The following LRTM3 variants were observed in gnomAD, a reference collection of about 807,000 sequenced individuals.
LRTM3 encodes the protein leucine rich repeat transmembrane protein 3.
the LRTM3 span, chr13:102,730,060 C>A: frequency 2.1e-5 from 33 of 1,551,264 alleles, 1 homozygote; most frequent in Admixed American, 6.3e-4. Flanking sequence ...AACTATGACA[C>A]AACCAGTCAG....
chr13:102,743,341 A>C, the LRTM3 span: 1 of 1,550,540 alleles, frequency 6.4e-7, no homozygotes, highest in South Asian at 1.2e-5. Context: ...TTTTAATGTC[A>C]GAGGAATCTG....
At chr13:102,743,585 T>C in the LRTM3 span, 6 of 1,549,980 alleles carry the variant, frequency 3.9e-6, no homozygotes, top group South Asian at 7.1e-5. Context: ...GTTTTTAGAG[T>C]CAGATAAAAC....
chr13:102,743,242 C>T, the LRTM3 span: 25 of 1,550,568 alleles, frequency 1.6e-5, no homozygotes, highest in Non-Finnish European at 2.0e-5. Flanking sequence ...ACCTTGCTAT[C>T]CCTTCAGCTA....
At chr13:102,748,562 C>T in the LRTM3 span, 2 of 1,550,712 alleles carry the variant, frequency 1.3e-6, no homozygotes, top group African/African-American at 1.4e-5. Flanking sequence ...TATTTTCATT[C>T]TATTGTTCGA....
At chr13:102,750,647 C>T in the LRTM3 span, among the ~76,000 whole-genome samples, 1 of 152,052 alleles carries the variant, frequency 6.6e-6, no homozygotes, top group African/African-American at 2.4e-5. Context: ...CTATTTTTGA[C>T]AAGATTGGGT....
At chr13:102,729,975 T>A in the LRTM3 span, 2 of 1,551,894 alleles carry the variant, frequency 1.3e-6, no homozygotes, top group Non-Finnish European at 8.7e-7. Context: ...GTTCTGCTCT[T>A]GGTAGTCCAT....
At chr13:102,735,746 G>A in the LRTM3 span, 4 of 1,546,602 alleles carry the variant, frequency 2.6e-6, no homozygotes, top group South Asian at 4.8e-5. Flanking sequence ...TTTTTTGCCT[G>A]AATCTGATGA....
chr13:102,746,401 T>C, the LRTM3 span: 5 of 1,551,112 alleles, frequency 3.2e-6, no homozygotes, highest in Admixed American at 2.0e-5. Flanking sequence ...CTTGCTTTAA[T>C]TGAGACGCAG....
chr13:102,740,334 T>G, the LRTM3 span: 1 of 1,550,176 alleles, frequency 6.5e-7, no homozygotes, highest in Non-Finnish European at 8.7e-7. Flanking sequence ...CATTCTAGTC[T>G]ATTCTTAGTT....
chr13:102,739,564 T>C, the LRTM3 span: 1 of 1,550,226 alleles, frequency 6.5e-7, no homozygotes, highest in Non-Finnish European at 8.7e-7. Flanking sequence ...CTTTACCTTC[T>C]TGCATCTTGC....
chr13:102,746,425 T>C, the LRTM3 span: 1 of 1,551,204 alleles, frequency 6.4e-7, no homozygotes. Flanking sequence ...GACAGAACTC[T>C]CTCTGCAATC....
the LRTM3 span, among the ~76,000 whole-genome samples, chr13:102,757,491 C>T: frequency 3.3e-5 from 5 of 152,312 alleles, no homozygotes; most frequent in African/African-American, 7.2e-5. Context: ...TGACCTGACT[C>T]CTACCTACCT....
chr13:102,736,999 C>T, the LRTM3 span: 1 of 1,550,988 alleles, frequency 6.4e-7, no homozygotes, highest in African/African-American at 1.4e-5. Flanking sequence ...TTGTCAGAAA[C>T]ACATCCAGTT....
At chr13:102,734,655 A>T in the LRTM3 span, 16 of 1,550,538 alleles carry the variant, frequency 1.0e-5, no homozygotes, top group East Asian at 2.0e-4. Context: ...CCAACGACGG[A>T]CTCTCTATGT....
chr13:102,750,725 T>G, the LRTM3 span, among the ~76,000 whole-genome samples: 25 of 152,294 alleles, frequency 1.6e-4, no homozygotes, highest in Non-Finnish European at 3.5e-4. Context: ...TATGAAAGTT[T>G]TCACTAAAAG....
chr13:102,758,202 G>T, the LRTM3 span, among the ~76,000 whole-genome samples: 1 of 152,134 alleles, frequency 6.6e-6, no homozygotes, highest in African/African-American at 2.4e-5. Flanking sequence ...GAAACTACCT[G>T]CCTCGAAGGA....
the LRTM3 span, chr13:102,741,658 C>A: frequency 1.3e-6 from 2 of 1,550,438 alleles, no homozygotes; most frequent in Non-Finnish European, 1.7e-6. Flanking sequence ...GGCAAGTCTT[C>A]TGTTGAGAAG....
At chr13:102,748,136 TCA>T in the LRTM3 span, 11 of 1,551,078 alleles carry the variant, frequency 7.1e-6, no homozygotes, top group East Asian at 4.9e-5. Flanking sequence ...TGTTTCTGTA[TCA>T]GGTAGTTGAG....
chr13:102,748,891 A>G, the LRTM3 span: 28 of 1,549,954 alleles, frequency 1.8e-5, no homozygotes, highest in Non-Finnish European at 2.2e-5. Context: ...CCTTTTTAGT[A>G]ATATCTGAGA....
Sources: allele counts gnomAD v4.1 joint callset (sites outside exome capture counted in the v4.1 genomes callset), GRCh38; gene constraint gnomAD v4.1.1; transcripts MANE v1.5; gene names NCBI Gene and HGNC (gene_info 2026-07-23, HGNC 2026-07-21).